EYA2: variants seen among roughly 807,000 people sequenced by gnomAD.
EYA2 encodes the protein EYA transcriptional coactivator and phosphatase 2.
In EYA2, 31 loss-of-function variants were observed where a neutral mutation model predicts 69.2. The observed-to-expected ratio is 0.45, with a 90% CI of 0.34 to 0.60. EYA2 has a LOEUF of 0.60. Among genes scored for constraint, EYA2 ranks in the 20% least tolerant of loss-of-function variants. The pLI is 0.02. For missense variants in EYA2, 622 were observed against 701.2 expected, an observed-to-expected ratio of 0.89 and a Z score of 1.28; for synonymous variants, 257 against 279.4, an observed-to-expected ratio of 0.92 and a Z score of 0.80.
chr20:47,116,035 C>T (rs79031389), intron 9 of EYA2, among the ~76,000 whole-genome samples: 2,974 of 152,278 alleles, frequency 0.02, 93 homozygotes, highest in African/African-American at 0.067. Flanking sequence ...TCCTTAGGGA[C>T]GCTTCCCAAT....
chr20:47,016,010 A>T (rs986867817), intron 4 of EYA2, among the ~76,000 whole-genome samples, 171 bp from the exon 5 acceptor site: 3 of 152,258 alleles, frequency 2.0e-5, no homozygotes, highest in Non-Finnish European at 4.4e-5. Flanking sequence ...ATGCTGGCCA[A>T]GTCAAATGTC....
intron 2 of EYA2, among the ~76,000 whole-genome samples, chr20:46,992,113 A>G (rs1449073797): frequency 6.6e-6 from 1 of 152,130 alleles, no homozygotes; most frequent in African/African-American, 2.4e-5. Flanking sequence ...TTATGAGCAC[A>G]TACTTTCTGC....
At chr20:47,047,406 A>T (rs554640789) in intron 5 of EYA2, among the ~76,000 whole-genome samples, 44 of 108,058 alleles carry the variant, frequency 4.1e-4, no homozygotes, top group South Asian at 9.5e-4. Context: ...CTTTTTTTTG[A>T]GACAAAGTCT....
chr20:47,009,306 G>A (rs543454857), intron 4 of EYA2, among the ~76,000 whole-genome samples: 27 of 152,168 alleles, frequency 1.8e-4, no homozygotes, highest in Non-Finnish European at 2.8e-4. Flanking sequence ...TTTGCTCATC[G>A]TCTGGACAAA....
chr20:47,013,437 G>A (rs1449491426), intron 4 of EYA2, among the ~76,000 whole-genome samples: 1 of 152,202 alleles, frequency 6.6e-6, no homozygotes, highest in Non-Finnish European at 1.5e-5. Flanking sequence ...ATTTAAAATG[G>A]ACAATGTAGG....
intron 5 of EYA2, among the ~76,000 whole-genome samples, chr20:47,018,471 A>G (rs1568727166): frequency 6.6e-6 from 1 of 152,246 alleles, no homozygotes; most frequent in Non-Finnish European, 1.5e-5. Flanking sequence ...AGCCTGTGAC[A>G]GACAAAAACA....
chr20:47,097,388 A>G (rs563769103), intron 9 of EYA2, among the ~76,000 whole-genome samples: 2 of 152,198 alleles, frequency 1.3e-5, no homozygotes, highest in South Asian at 4.1e-4. Context: ...CTTTTCTTCC[A>G]ACGTTTGAAG....
chr20:47,023,555 C>G (rs1201044145), intron 5 of EYA2, among the ~76,000 whole-genome samples: 2 of 151,444 alleles, frequency 1.3e-5, no homozygotes, highest in Non-Finnish European at 1.5e-5. Flanking sequence ...TCTGTAGTAT[C>G]TGATCTGCTG....
chr20:47,144,854 A>G (rs113061504), intron 10 of EYA2, among the ~76,000 whole-genome samples: 2 of 152,366 alleles, frequency 1.3e-5, no homozygotes, highest in Admixed American at 6.5e-5. Flanking sequence ...GATGACGTCT[A>G]TGGCTCGAAG....
chr20:46,939,291 G>A (rs1986053786), intron 1 of EYA2, among the ~76,000 whole-genome samples: 1 of 152,174 alleles, frequency 6.6e-6, no homozygotes, highest in South Asian at 2.1e-4. Context: ...TGCAGAGCTG[G>A]TAGGGTCAGA....
intron 5 of EYA2, among the ~76,000 whole-genome samples, chr20:47,027,768 G>A (rs1322342863): frequency 2.0e-5 from 3 of 152,208 alleles, no homozygotes; most frequent in Non-Finnish European, 4.4e-5. Flanking sequence ...TGTGCAACGT[G>A]ATAGCCCCTA....
At chr20:47,108,910 A>G (rs2032670775) in intron 9 of EYA2, among the ~76,000 whole-genome samples, 2 of 151,906 alleles carry the variant, frequency 1.3e-5, no homozygotes, top group Non-Finnish European at 2.9e-5. Context: ...GAGAGTAGAA[A>G]GTGGCCAGGT....
At chr20:47,001,508 C>T (rs1982369858) in intron 3 of EYA2, 35 bp downstream of exon 3, 1 of 1,608,770 alleles carries the variant, frequency 6.2e-7, no homozygotes, top group Non-Finnish European at 8.5e-7. Flanking sequence ...GCTCACATGC[C>T]CACCTTTTCT....
intron 4 of EYA2, among the ~76,000 whole-genome samples, chr20:47,008,472 T>C (rs1982862347): frequency 6.6e-6 from 1 of 152,194 alleles, no homozygotes; most frequent in African/African-American, 2.4e-5. Flanking sequence ...TTCTAACTTT[T>C]TTCCCCTGCT....
At chr20:47,078,608 A>C (rs1159476845) in intron 7 of EYA2, among the ~76,000 whole-genome samples, 2 of 152,236 alleles carry the variant, frequency 1.3e-5, no homozygotes, top group Admixed American at 6.5e-5. Flanking sequence ...AAGTGCCAAC[A>C]ATTTGCAGAT....
rs531767043 is a variant in EYA2 at position 46,895,571 on chromosome 20, T to C, written c.-11+584T>C. 1.3e-3 allele frequency among the ~76,000 whole-genome samples: 193 copies of C among 152,354 alleles called. 2 individuals carry two copies. The highest frequency in any genetic ancestry group is 0.01 in the South Asian group (50 of 4,828). On this transcript the variant is annotated intron_variant, in intron 1 of 15. Coordinates refer to ENST00000327619, the MANE Select transcript of EYA2 (RefSeq NM_005244.5). ...TGGGGCTTTGAACCGGGGCAGGGAA[T>C]CCTGGCGCCTGCTGCGGGTAGAGTT...
intron 9 of EYA2, among the ~76,000 whole-genome samples, chr20:47,101,120 C>G (rs894098040): frequency 6.6e-6 from 1 of 152,128 alleles, no homozygotes; most frequent in South Asian, 2.1e-4. Flanking sequence ...GGGTCTTGCT[C>G]TGCTGCCCAG....
chr20:47,073,625 C>T (rs887357911), intron 6 of EYA2, among the ~76,000 whole-genome samples: 1 of 152,096 alleles, frequency 6.6e-6, no homozygotes, highest in African/African-American at 2.4e-5. Flanking sequence ...AGGACAGGTG[C>T]CATCAGGGCC....
At chr20:47,111,746 C>T (rs1568785148) in intron 9 of EYA2, among the ~76,000 whole-genome samples, 1 of 152,278 alleles carries the variant, frequency 6.6e-6, no homozygotes. Context: ...GCAGTAACCC[C>T]ACCTCTTGAA....
Sources: gnomAD v4.1 joint callset for allele counts (sites outside exome capture counted in the v4.1 genomes callset) on GRCh38, gnomAD v4.1.1 for gene constraint, MANE v1.5 for transcripts, NCBI Gene and HGNC (gene_info 2026-07-23, HGNC 2026-07-21) for gene names.